SHROOM2: variants seen among roughly 807,000 people sequenced by gnomAD.
SHROOM2 encodes shroom family member 2, also known as protein Shroom2.
A neutral mutation model predicts 75.9 loss-of-function variants in SHROOM2; 33 were observed. That is an observed-to-expected ratio of 0.43 (90% confidence interval 0.33 to 0.58). The LOEUF (loss-of-function observed/expected upper bound fraction) is 0.58, where lower values mean the gene tolerates loss of function less well. SHROOM2 is among the 20% of genes least tolerant of loss of function. The pLI is 0.04. For missense variants in SHROOM2, 1,434 were observed against 1,461.2 expected (o/e 0.98, Z 0.30); for synonymous variants, 655 against 663.6 (o/e 0.99, Z 0.20).
intron 1 of SHROOM2, among the ~76,000 whole-genome samples, chrX:9,838,716 C>T (rs1043530285): frequency 8.9e-6 from 1 of 111,963 alleles, no homozygotes; most frequent in Admixed American, 9.5e-5. Context: ...TGTGCCCCTT[C>T]GTGCCTGAAT....
chrX:9,934,310 G>A lies in SHROOM2; in HGVS notation c.3587+1440G>A, dbSNP rs183050433. Among the ~76,000 whole-genome samples the A allele has an allele frequency of 4.2e-3, 473 of 111,526 alleles. 4 individuals are homozygous for A. Among genetic ancestry groups the A allele is most frequent in the African/African-American group, 0.014 (442 of 30,722 alleles). Reference sequence around the variant, plus strand: ...GGACCTCACTGCTCTAGAGTCTCAAGTAATTTTTTTTCTTAGCTTCTAAAT... The same window carrying A: ...GGACCTCACTGCTCTAGAGTCTCAAATAATTTTTTTTCTTAGCTTCTAAAT... On this transcript the variant is annotated intron_variant, in intron 6 of 9. Transcript: ENST00000380913.
intron 1 of SHROOM2, among the ~76,000 whole-genome samples, chrX:9,857,997 G>C (rs1042471049): frequency 9.0e-6 from 1 of 111,332 alleles, no homozygotes; most frequent in African/African-American, 3.3e-5. Context: ...CAGCCTCTGC[G>C]AGCGCTGGCG....
chrX:9,846,538 G>A lies in SHROOM2; in HGVS notation c.166-27114G>A, dbSNP rs182783800. On this transcript the variant is annotated intron_variant, in intron 1 of 9. Transcript: ENST00000380913. The stretch of plus-strand genomic sequence containing the variant: ...TCTCAATCTCCTGACCTCGTGATCC[G>A]CCTGCCTCAGCCTCTCAAACTGCTG... Among the ~76,000 whole-genome samples, 738 of 111,252 alleles carry A rather than the reference G, an allele frequency of 6.6e-3. 9 individuals carry two copies. The highest frequency in any genetic ancestry group is 0.048 in the Admixed American group (499 of 10,488).
intron 1 of SHROOM2, among the ~76,000 whole-genome samples, chrX:9,787,849 A>G (rs1449839922): frequency 1.8e-5 from 2 of 112,068 alleles, no homozygotes; most frequent in African/African-American, 6.5e-5. Context: ...CCATTGTTAT[A>G]AATTTGACCA....
At chrX:9,789,433 T>C (rs765677429) in intron 1 of SHROOM2, among the ~76,000 whole-genome samples, 67 of 105,295 alleles carry the variant, frequency 6.4e-4, no homozygotes, top group African/African-American at 2.2e-3. Context: ...GTGGAAAAAA[T>C]GCACTCAAAC....
intron 1 of SHROOM2, among the ~76,000 whole-genome samples, chrX:9,840,391 C>T (rs2083973350): frequency 9.0e-6 from 1 of 111,562 alleles, no homozygotes; most frequent in South Asian, 3.8e-4. Flanking sequence ...CCTCAGCTCC[C>T]CAAGTAGCTG....
chrX:9,864,927 C>T (rs1323503298), intron 1 of SHROOM2, among the ~76,000 whole-genome samples: 1 of 112,068 alleles, frequency 8.9e-6, no homozygotes, highest in East Asian at 2.8e-4. Flanking sequence ...GCAGGAGGAT[C>T]GCTTGAGCCT....
chrX:9,871,546 T>C (rs1177990485), intron 1 of SHROOM2, among the ~76,000 whole-genome samples: 1 of 112,398 alleles, frequency 8.9e-6, no homozygotes, highest in Non-Finnish European at 1.9e-5. Flanking sequence ...ATTTACAGTC[T>C]GTAAAGACAT....
intron 2 of SHROOM2, among the ~76,000 whole-genome samples, chrX:9,884,368 C>CTTATT: frequency 1.6e-5 from 1 of 62,290 alleles, no homozygotes; most frequent in African/African-American, 5.7e-5. Flanking sequence ...TTTTTCTTTT[C>CTTATT]TTTTTTTTTT....
chrX:9,851,867 T>C (rs2084042914), intron 1 of SHROOM2, among the ~76,000 whole-genome samples: 1 of 111,936 alleles, frequency 8.9e-6, no homozygotes, highest in Non-Finnish European at 1.9e-5. Flanking sequence ...CTTTATTATA[T>C]AGTAAAACTC....
At chrX:9,804,762 T>C (rs1318914779) in intron 1 of SHROOM2, among the ~76,000 whole-genome samples, 1 of 111,606 alleles carries the variant, frequency 9.0e-6, no homozygotes, top group Non-Finnish European at 1.9e-5. Flanking sequence ...TACTTTACCC[T>C]CACCAGCACT....
At chrX:9,854,195 A>C (rs1214991794) in intron 1 of SHROOM2, among the ~76,000 whole-genome samples, 3 of 113,020 alleles carry the variant, frequency 2.7e-5, no homozygotes, top group East Asian at 5.5e-4. Flanking sequence ...AGATTCTGCC[A>C]AAAATTGCTT....
intron 5 of SHROOM2, among the ~76,000 whole-genome samples, chrX:9,909,188 A>G (rs1231409796): frequency 2.7e-5 from 3 of 111,209 alleles, no homozygotes; most frequent in African/African-American, 9.8e-5. Context: ...CGGTGACAAC[A>G]GTGTGGGTAT....
intron 1 of SHROOM2, among the ~76,000 whole-genome samples, chrX:9,855,207 G>C (rs1283716596): frequency 2.0e-5 from 2 of 101,527 alleles, no homozygotes; most frequent in Non-Finnish European, 3.9e-5. Context: ...GTGACGGGTT[G>C]ATGGGTGCAG....
rs1299949274 is a variant in SHROOM2 at position 9,815,575 on chromosome X, T to TATCTAC, written c.165+28870_165+28871insCATCTA. Among the ~76,000 whole-genome samples the TATCTAC allele has an allele frequency of 8.6e-5, 9 of 105,022 alleles. No homozygotes were observed. In the East Asian group the frequency reaches 2.4e-3, roughly 28 times the overall value. The allele number at this position is 105,022 out of a possible 115,157, so 91.2% of individuals were successfully genotyped here. ...ATATCTATCCTATATCTATATCCTA[T>TATCTAC]ATCTATATCTATATCTATATCTATA... On this transcript the variant is annotated intron_variant, in intron 1 of 9. Transcript: ENST00000380913.
At chrX:9,926,871 T>G (rs1008788010) in intron 5 of SHROOM2, among the ~76,000 whole-genome samples, 3 of 110,639 alleles carry the variant, frequency 2.7e-5, no homozygotes, top group African/African-American at 9.9e-5. Flanking sequence ...GTGTAAATAT[T>G]CCAAAATCCA....
At chrX:9,803,123 G>A (rs1225476212) in intron 1 of SHROOM2, among the ~76,000 whole-genome samples, 1 of 102,749 alleles carries the variant, frequency 9.7e-6, no homozygotes, top group African/African-American at 3.6e-5. Flanking sequence ...TTTTTTTGTG[G>A]AGATGGGGGT....
chrX:9,806,496 A>G (rs1426282810), intron 1 of SHROOM2, among the ~76,000 whole-genome samples: 2 of 105,256 alleles, frequency 1.9e-5, no homozygotes, highest in Admixed American at 1.0e-4. Flanking sequence ...ATATGTGTAT[A>G]TATATGTGTG....
At chrX:9,933,185 T>G (rs1405704493) in intron 6 of SHROOM2, among the ~76,000 whole-genome samples, 2 of 109,092 alleles carry the variant, frequency 1.8e-5, no homozygotes, top group Non-Finnish European at 3.8e-5. Context: ...TAGAGGTCTG[T>G]TTTTTTTTGT....
Sources: gnomAD v4.1 joint callset for allele counts (sites outside exome capture counted in the v4.1 genomes callset) on GRCh38, gnomAD v4.1.1 for gene constraint, MANE v1.5 for transcripts, NCBI Gene and HGNC (gene_info 2026-07-23, HGNC 2026-07-21) for gene names.